HGFAC: variants seen among roughly 807,000 people sequenced by gnomAD.
HGFAC encodes hepatocyte growth factor activator serine protease.
A neutral mutation model predicts 70.6 loss-of-function variants in HGFAC; 76 were observed. The observed-to-expected ratio is 1.08, with a 90% CI of 0.89 to 1.30. The LOEUF (loss-of-function observed/expected upper bound fraction) is 1.30, where lower values mean the gene tolerates loss of function less well. Among genes scored for constraint, HGFAC ranks in the 50% most tolerant of loss-of-function variants. The pLI, the probability that HGFAC is intolerant of heterozygous loss-of-function variation, is 0.00. For missense variants in HGFAC, 1,044 were observed against 933.7 expected (o/e 1.12, Z -1.54); for synonymous variants, 464 against 405.3 (o/e 1.14, Z -1.74).
chr4:3,443,950 C>A, intron 4 of HGFAC, 89 bp from the exon 5 acceptor site: 2 of 1,418,682 alleles, frequency 1.4e-6, no homozygotes, highest in Non-Finnish European at 9.5e-7. Flanking sequence ...TCACTGGGGC[C>A]TGATGGACGC....
Position 3,443,997 on chromosome 4 carries a change from C to T in HGFAC, c.476-42C>T, listed in dbSNP as rs1725400142. The stretch of plus-strand genomic sequence containing the variant: ...GAGAATGTCACAGAGGGACCCTGAG[C>T]CTCCCAGTCCGCCCCTCACACCCCC... On this transcript the variant is annotated intron_variant, in intron 4 of 13. Coordinates refer to ENST00000382774, the MANE Select transcript of HGFAC (RefSeq NM_001528.4). The T allele has an allele frequency of 4.6e-6, 7 of 1,532,532 alleles. No individual in the cohort carries two copies. The East Asian group carries it at 1.6e-4, about 35-fold the overall frequency. 94.9% of individuals were successfully genotyped at this position (1,532,532 alleles called of 1,614,324 possible). A position where few individuals can be genotyped will look rare whatever the true frequency, so the allele number is the denominator to read the frequency against.
intron 9 of HGFAC, chr4:3,445,763 TG>T: frequency 9.5e-7 from 1 of 1,051,406 alleles, no homozygotes; most frequent in Non-Finnish European, 1.4e-6. Context: ...CTGACTGTGC[TG>T]GGGCTGGCTG....
At chr4:3,442,273 G>A (rs1042867034) in intron 1 of HGFAC, among the ~76,000 whole-genome samples, 155 bp downstream of exon 1, 1 of 152,214 alleles carries the variant, frequency 6.6e-6, no homozygotes, top group African/African-American at 2.4e-5. Flanking sequence ...GCCCTCACAG[G>A]GCAGGTGGGT....
intron 1 of HGFAC, 74 bp downstream of exon 1, chr4:3,442,192 G>A (rs1725338741): frequency 2.5e-6 from 3 of 1,182,518 alleles, no homozygotes; most frequent in Non-Finnish European, 2.4e-6. Flanking sequence ...GGAGGCCAGA[G>A]GGAGGGTCGC....
intron 2 of HGFAC, 38 bp from the exon 3 acceptor site, chr4:3,443,012 C>G (rs2109294449): frequency 1.9e-6 from 3 of 1,555,956 alleles, no homozygotes; most frequent in East Asian, 4.6e-5. Flanking sequence ...TCGGGTGCCC[C>G]TCGAGGGAGC....
In HGFAC at chr4:3,444,372, G is replaced by A. The variant is rs751253457; in HGVS notation, c.660G>A (p.Val220=). Residue 220 remains valine, a synonymous_variant, in exon 6 of 14, where the codon GTG becomes GTA. Coordinates refer to ENST00000382774, the MANE Select transcript of HGFAC (RefSeq NM_001528.4). ...YLEGGDRWAR[V]RQGHVEQCEC... is the part of the protein sequence containing the mutation. Reference sequence around the variant, plus strand: ...AGGGGGGCGACCGCTGGGCCCGCGTGCGCCAGGGCCACGTGGAACAGTGCG... The same window carrying A: ...AGGGGGGCGACCGCTGGGCCCGCGTACGCCAGGGCCACGTGGAACAGTGCG... 6.2e-7 allele frequency: 1 copy of A among 1,603,198 alleles called. No homozygotes were observed. The highest frequency in any genetic ancestry group is 8.5e-7 in the Non-Finnish European group (1 of 1,176,114).
chr4:3,446,172 C>T lies in HGFAC; in HGVS notation c.1233C>T (p.Gly411=). The T allele has an allele frequency of 5.6e-6, 9 of 1,610,806 alleles. No homozygotes were observed. The highest frequency in any genetic ancestry group is 7.6e-6 in the Non-Finnish European group (9 of 1,179,140). Residue 411 remains glycine (G), a synonymous_variant, in exon 10 of 14, where the codon GGC becomes GGT. Coordinates refer to ENST00000382774, the MANE Select transcript of HGFAC (RefSeq NM_001528.4). ...RTFLRPRIIG[G]SSSLPGSHPW... ...TCCTGCGGCCACGTATCATCGGCGG[C>T]TCCTCCTCGCTGCCCGGCTCGCACC...
chr4:3,447,241 G>C (rs1725540331), intron 10 of HGFAC, among the ~76,000 whole-genome samples: 1 of 152,156 alleles, frequency 6.6e-6, no homozygotes, highest in African/African-American at 2.4e-5. Context: ...CTTGTGACCA[G>C]TGTTGTCAGG....
At position 3,446,301 on chromosome 4, in the gene HGFAC, C is replaced by G. The variant is rs759929223; in HGVS notation, c.1355+7C>G. ...CCCACTGCTTCTCCCACAGGTGCAC[C>G]TCCTCTGGGCCCCAGTCACCTGCCC... is the stretch of plus-strand genomic sequence containing the variant. On this transcript the variant is annotated splice_region_variant and intron_variant, in intron 10 of 13. Transcript: ENST00000382774. The G allele has an allele frequency of 1.2e-6, 2 of 1,601,118 alleles. No individual in the cohort carries two copies. The highest frequency in any genetic ancestry group is 1.7e-6 in the Non-Finnish European group (2 of 1,174,836).
rs75531905 is a variant in HGFAC at position 3,448,031 on chromosome 4, T to C, written c.1632T>C (p.Asp544=). Reference sequence around the variant, plus strand: ...AGATTGCGGGCTGGGGCCACTTGGATGAGAGTGAGTTGGGAGGGGGGCGCC... The same window carrying C: ...AGATTGCGGGCTGGGGCCACTTGGACGAGAGTGAGTTGGGAGGGGGGCGCC... ...KCQIAGWGHL[D]ENVSGYSSSL... Residue 544 remains aspartate, a synonymous_variant, in exon 12 of 14, where the codon GAT becomes GAC. Transcript: ENST00000382774. The C allele has an allele frequency of 2.1e-3, 3,339 of 1,557,068 alleles. 66 individuals are homozygous for C. The highest frequency in any genetic ancestry group is 0.02 in the African/African-American group (1,432 of 73,426).
At position 3,443,123 on chromosome 4, in the gene HGFAC, G is replaced by A. The variant is rs142290988; in HGVS notation, c.372G>A (p.Ser124=). 1.9e-5 allele frequency: 30 copies of A among 1,580,202 alleles called. No homozygotes were observed. Among genetic ancestry groups the A allele is most frequent in the African/African-American group, 2.7e-5 (2 of 74,196 alleles). Residue 124 remains serine (S), a synonymous_variant, in exon 3 of 14, where the codon TCG becomes TCA. Transcript: ENST00000382774. ...YGGRMLHACT[S]EGSAHRKWCA... The stretch of plus-strand genomic sequence containing the variant: ...GCCGCATGCTGCATGCCTGCACTTC[G>A]GAGGGCAGTGCACACAGGAAGTGGT...
At chr4:3,444,464 G>C (rs377488836) in intron 6 of HGFAC, 22 bp downstream of exon 6, 1 of 1,570,252 alleles carries the variant, frequency 6.4e-7, no homozygotes, top group Non-Finnish European at 8.6e-7. Flanking sequence ...GGTGTGAGCC[G>C]TGCCACTGAC....
At position 3,444,971 on chromosome 4, in the gene HGFAC, C is replaced by G. The variant is rs746001572; in HGVS notation, c.994C>G (p.Leu332Val). ...CGTGGGCGCCGCGGCCCTGCTGGGC[C>G]TGGGCCCCCATGCCTACTGCCGGTC... ...DSVGAAALLG[L>V]GPHAYCRNPD... is the part of the protein sequence containing the mutation. The change falls in exon 8 of 14, where the codon CTG becomes GTG. Residue 332 changes from leucine to valine, a missense_variant. Physicochemically the swap from Leu to Val is conservative, Grantham distance 32. Coordinates refer to ENST00000382774, the MANE Select transcript of HGFAC (RefSeq NM_001528.4). 2 of 1,599,392 alleles carry G rather than the reference C, an allele frequency of 1.3e-6. No homozygotes were observed. The highest frequency in any genetic ancestry group is 8.5e-7 in the Non-Finnish European group (1 of 1,174,630).
At chr4:3,446,400 T>C in intron 10 of HGFAC, 106 bp downstream of exon 10, 1 of 1,404,934 alleles carries the variant, frequency 7.1e-7, no homozygotes, top group South Asian at 1.4e-5. Flanking sequence ...CCGGTGCCTC[T>C]GCTGACCCCT....
rs781505572 is a variant in HGFAC at position 3,447,483 on chromosome 4, C to T, written c.1356-9C>T. On this transcript the variant is annotated splice_polypyrimidine_tract_variant and intron_variant, in intron 10 of 13. Transcript: ENST00000382774. ...CTGGTCCATGCAGCCTCCAGCCCCC[C>T]TTGCACAGCCCCCCCAGGGACAGCG... The T allele has an allele frequency of 1.1e-5, 18 of 1,612,184 alleles. No individual in the cohort carries two copies. The highest frequency in any genetic ancestry group is 1.4e-5 in the Non-Finnish European group (17 of 1,179,700).
chr4:3,447,682 C>T, intron 11 of HGFAC, 51 bp downstream of exon 11: 2 of 1,605,038 alleles, frequency 1.2e-6, no homozygotes, highest in Non-Finnish European at 1.7e-6. Flanking sequence ...GCCCTGTGCT[C>T]CCCAGGCCAG....
intron 4 of HGFAC, among the ~76,000 whole-genome samples, chr4:3,443,813 G>A (rs1055861438): frequency 1.3e-5 from 2 of 152,074 alleles, no homozygotes; most frequent in Admixed American, 6.5e-5. Context: ...AGGAAGCCAC[G>A]TGCACAGCTG....
In HGFAC at chr4:3,446,346, C is replaced by T; in HGVS notation, c.1355+52C>T. 11 of 1,571,242 alleles carry T rather than the reference C, an allele frequency of 7.0e-6. 1 individual carries two copies. Among genetic ancestry groups the T allele is most frequent in the Non-Finnish European group, 9.5e-6 (11 of 1,161,404 alleles). The stretch of plus-strand genomic sequence containing the variant: ...CTGCCCTGAGGCCCCACACACCATC[C>T]AGCGTCACTATGCGCCTGTCCCCAC... On this transcript the variant is annotated intron_variant, in intron 10 of 13. Coordinates refer to ENST00000382774, the MANE Select transcript of HGFAC (RefSeq NM_001528.4).
chr4:3,441,438 G>A (rs918817299), upstream of HGFAC, among the ~76,000 whole-genome samples: 1 of 152,136 alleles, frequency 6.6e-6, no homozygotes, highest in Non-Finnish European at 1.5e-5. This position sits in a 1 kb window ranked among gnomAD's most constrained non-coding sequence, Gnocchi z 6.0. Flanking sequence ...TCTCCTCCCT[G>A]TGCCTGGCCT....
Sources: gnomAD v4.1 joint callset for allele counts (sites outside exome capture counted in the v4.1 genomes callset) on GRCh38, gnomAD v4.1.1 for gene constraint, Gnocchi (gnomAD v3.1) non-coding constraint, MANE v1.5 for transcripts, NCBI Gene and HGNC (gene_info 2026-07-23, HGNC 2026-07-21) for gene names.